The following MIGA1 variants were observed in gnomAD, a reference collection of about 807,000 sequenced individuals.
The protein encoded by MIGA1 is mitoguardin 1.
MIGA1 carries 58 observed loss-of-function variants against 82.0 expected under a neutral mutation model. The observed-to-expected ratio is 0.71, with a 90% CI of 0.57 to 0.88. The LOEUF (loss-of-function observed/expected upper bound fraction) is 0.88, where lower values mean the gene tolerates loss of function less well. Among genes scored for constraint, MIGA1 ranks in the 40% least tolerant of loss-of-function variants. MIGA1 has a pLI of 0.00. For synonymous variants in MIGA1, 249 were observed against 253.6 expected (o/e 0.98, Z 0.17); for missense variants, 751 against 749.1 (o/e 1.00, Z -0.03).
chr1:77,803,773 G>T (rs2101756947), intron 4 of MIGA1, among the ~76,000 whole-genome samples: 1 of 152,238 alleles, frequency 6.6e-6, no homozygotes, highest in South Asian at 2.1e-4. Context: ...GGTAACGGGG[G>T]GTGGAGGGGA....
chr1:77,858,466 T>A (rs564546687), intron 8 of MIGA1, among the ~76,000 whole-genome samples: 2 of 152,350 alleles, frequency 1.3e-5, no homozygotes, highest in African/African-American at 4.8e-5. Context: ...TGAAGTAAAA[T>A]CAATTCAGAT....
chr1:77,782,800 A>T, intron 1 of MIGA1: 1 of 875,454 alleles, frequency 1.1e-6, no homozygotes, highest in African/African-American at 1.8e-5. Context: ...TAGCCCCAAG[A>T]TTCTGTTCCA....
chr1:77,853,780 A>T (rs1259750070), intron 8 of MIGA1: 1 of 290,866 alleles, frequency 3.4e-6, no homozygotes, highest in Non-Finnish European at 6.7e-6. Context: ...CAACAGTAAT[A>T]GCTGTTGCTG....
chr1:77,798,298 G>C (rs544266860), intron 2 of MIGA1, among the ~76,000 whole-genome samples: 2 of 152,280 alleles, frequency 1.3e-5, no homozygotes, highest in South Asian at 4.2e-4. Flanking sequence ...ATTCTTGGCT[G>C]TAGCAGCATG....
rs566343352 is a variant in MIGA1 at position 77,828,119 on chromosome 1, T to C, written c.895+12888T>C. On this transcript the variant is annotated intron_variant, in intron 7 of 15. Coordinates refer to ENST00000370791, the MANE Select transcript of MIGA1 (RefSeq NM_198549.4). ...AGGTTTAATGGTTTCCTTTGTGACA[T>C]TGATTACTCTTGACAATACATTATA... 6.2e-4 allele frequency among the ~76,000 whole-genome samples: 95 copies of C among 152,270 alleles called. 1 individual carries two copies. Among genetic ancestry groups the C allele is most frequent in the African/African-American group, 2.2e-3 (93 of 41,564 alleles).
intron 13 of MIGA1, among the ~76,000 whole-genome samples, chr1:77,864,530 G>A (rs1685590332): frequency 6.6e-6 from 1 of 151,768 alleles, no homozygotes; most frequent in African/African-American, 2.4e-5. Flanking sequence ...ACAAAAATTA[G>A]CTGGGTATGG....
chr1:77,847,411 A>C, intron 8 of MIGA1: 1 of 1,364,040 alleles, frequency 7.3e-7, no homozygotes, highest in Non-Finnish European at 1.0e-6. Context: ...TGAAAGCCCA[A>C]GTATATTCAC....
At position 77,783,357 on chromosome 1, in the gene MIGA1, TA is replaced by T. The variant is rs762504925; in HGVS notation, c.195+10del. On this transcript the variant is annotated splice_region_variant and intron_variant, in intron 2 of 15. Transcript: ENST00000370791. The stretch of plus-strand genomic sequence containing the variant: ...GGTACTATTCTCTCTCCCAGGTAAA[TA>T]AAAGAAGCAAACAGGAAGTTGAATA... 3 of 1,514,790 alleles carry T rather than the reference TA, an allele frequency of 2.0e-6. No homozygotes were observed. The highest frequency in any genetic ancestry group is 1.8e-6 in the Non-Finnish European group (2 of 1,103,556). 93.8% of individuals were successfully genotyped at this position (1,514,790 alleles called of 1,614,324 possible).
intron 7 of MIGA1, among the ~76,000 whole-genome samples, chr1:77,838,416 T>G (rs1316849000): frequency 6.6e-6 from 1 of 151,810 alleles, no homozygotes; most frequent in Non-Finnish European, 1.5e-5. Flanking sequence ...GCTGTCCTGA[T>G]GCTCAGGCTA....
At chr1:77,797,159 T>C (rs1682691132) in intron 2 of MIGA1, among the ~76,000 whole-genome samples, 1 of 152,236 alleles carries the variant, frequency 6.6e-6, no homozygotes, top group Admixed American at 6.5e-5. Flanking sequence ...AACATTCCAT[T>C]GTATGAATGT....
Position 77,875,932 on chromosome 1 carries a change from A to T in MIGA1, c.*868A>T, listed in dbSNP as rs1162508635. On this transcript the variant is annotated 3_prime_UTR_variant, in exon 16 of 16. Transcript: ENST00000370791. ...CGGATCACCTGAGGTCAGGTGTTCG[A>T]GACCAGCCTCCCCAATATGGTGAAA... The T allele has an allele frequency of 1.3e-5, 2 of 152,206 alleles. No homozygotes were observed. Among genetic ancestry groups the T allele is most frequent in the African/African-American group, 4.8e-5 (2 of 41,424 alleles). 9.4% of individuals were successfully genotyped at this position (152,206 alleles called of 1,614,324 possible).
chr1:77,793,256 C>G (rs1272195350), intron 2 of MIGA1, among the ~76,000 whole-genome samples: 1 of 152,014 alleles, frequency 6.6e-6, no homozygotes, highest in Non-Finnish European at 1.5e-5. Flanking sequence ...GCATGCACCA[C>G]CATGCCTGGC....
chr1:77,846,745 A>G (rs1684858562), intron 8 of MIGA1, among the ~76,000 whole-genome samples: 1 of 152,006 alleles, frequency 6.6e-6, no homozygotes, highest in African/African-American at 2.4e-5. Flanking sequence ...CAGGAGATCG[A>G]GACCATCCTG....
At chr1:77,861,529 G>C (rs189454905) in intron 12 of MIGA1, 23 of 475,210 alleles carry the variant, frequency 4.8e-5, no homozygotes, top group Admixed American at 1.6e-4. Context: ...CTTTTTTGCT[G>C]TTGTTGGCTC....
intron 8 of MIGA1, chr1:77,846,978 C>A: frequency 1.8e-6 from 1 of 554,952 alleles, no homozygotes; most frequent in Non-Finnish European, 3.2e-6. Context: ...TTAGATACCT[C>A]TACTTGTACT....
At chr1:77,873,147 C>T (rs925478054) in intron 15 of MIGA1, 27 bp downstream of exon 15, 1 of 1,584,620 alleles carries the variant, frequency 6.3e-7, no homozygotes, top group African/African-American at 1.4e-5. Flanking sequence ...AATCATTTCT[C>T]TTTTTTTTCT....
chr1:77,847,117 C>T (rs1244957001), intron 8 of MIGA1: 24 of 900,874 alleles, frequency 2.7e-5, no homozygotes, highest in Non-Finnish European at 4.3e-5. Context: ...GATGGTGATT[C>T]TGGGCAGGCA....
intron 4 of MIGA1, among the ~76,000 whole-genome samples, chr1:77,804,993 CTTTTT>C (rs67999119): frequency 1.0e-5 from 1 of 95,818 alleles, no homozygotes; most frequent in African/African-American, 3.7e-5. Flanking sequence ...TTCCATATTT[CTTTTT>C]TTTTTTTTTT....
At chr1:77,797,309 T>G (rs1313350330) in intron 2 of MIGA1, among the ~76,000 whole-genome samples, 2 of 152,224 alleles carry the variant, frequency 1.3e-5, no homozygotes, top group Non-Finnish European at 2.9e-5. Flanking sequence ...TTGACAAAAA[T>G]AGATTGACTA....
Sources: gnomAD v4.1 joint callset for allele counts (sites outside exome capture counted in the v4.1 genomes callset) on GRCh38, gnomAD v4.1.1 for gene constraint, MANE v1.5 for transcripts, NCBI Gene and HGNC (gene_info 2026-07-23, HGNC 2026-07-21) for gene names.